NOMO1: variants seen among roughly 807,000 people sequenced by gnomAD.
NOMO1 encodes the protein nodal modulator 3.
A neutral mutation model predicts 133.8 loss-of-function variants in NOMO1; 40 were observed. That is an observed-to-expected ratio of 0.30 (90% CI 0.23 to 0.39). The LOEUF is 0.39. Among genes scored for constraint, NOMO1 ranks in the 10% least tolerant of loss-of-function variants. The pLI, the probability that NOMO1 is intolerant of heterozygous loss-of-function variation, is 1.00. For missense variants in NOMO1, 462 were observed against 1,419.9 expected (o/e 0.33, Z 10.84); for synonymous variants, 236 against 570.5 (o/e 0.41, Z 8.36).
intron 27 of NOMO1, among the ~76,000 whole-genome samples, chr16:14,886,186 A>C (rs1195111676): frequency 6.6e-6 from 1 of 151,600 alleles, no homozygotes. Flanking sequence ...CTCCTGAAGC[A>C]GCGTGGAGAG....
intron 23 of NOMO1, among the ~76,000 whole-genome samples, chr16:14,879,235 A>T (rs534471574): frequency 6.6e-6 from 1 of 151,714 alleles, no homozygotes; most frequent in African/African-American, 2.4e-5. Flanking sequence ...TTTTCTTTCA[A>T]GATGCAGTCG....
intron 9 of NOMO1, among the ~76,000 whole-genome samples, chr16:14,856,108 G>A (rs1470996077): frequency 6.6e-6 from 1 of 152,094 alleles, no homozygotes; most frequent in Non-Finnish European, 1.5e-5. Context: ...GTCAGTTATT[G>A]AGTGCCTGCT....
intron 1 of NOMO1, among the ~76,000 whole-genome samples, chr16:14,836,983 G>A (rs956233617): frequency 4.6e-5 from 7 of 151,914 alleles, no homozygotes; most frequent in African/African-American, 1.5e-4. Flanking sequence ...GGGATTACAG[G>A]CGTGAGCCAC....
chr16:14,886,628 G>A, intron 27 of NOMO1, 133 bp from the exon 28 acceptor site: 1 of 1,257,492 alleles, frequency 8.0e-7, no homozygotes, highest in African/African-American at 1.5e-5. Flanking sequence ...TGTCTATGGA[G>A]GGAGCTTTCT....
chr16:14,884,231 A>G, intron 26 of NOMO1, 141 bp from the exon 27 acceptor site: 1 of 1,241,490 alleles, frequency 8.1e-7, no homozygotes, highest in Non-Finnish European at 1.2e-6. Context: ...CCTTGGACGT[A>G]GGGTACTCAA....
chr16:14,833,760 G>A lies in NOMO1; in HGVS notation c.-92G>A, dbSNP rs1430309481. ...CGGTGGGGCGGGGCCTGGGCTGTCA[G>A]CCGGCCTAGGAGGAGGAAGGAGCCT... On this transcript the variant is annotated 5_prime_UTR_variant, in exon 1 of 31. Coordinates refer to ENST00000287667, the MANE Select transcript of NOMO1 (RefSeq NM_014287.4). 1.7e-5 allele frequency: 13 copies of A among 780,578 alleles called. No homozygotes were observed. Among genetic ancestry groups the A allele is most frequent in the Non-Finnish European group, 2.1e-5 (12 of 562,976 alleles). The allele number at this position is 780,578 out of a possible 1,614,324, so 48.4% of individuals were successfully genotyped here. A position where few individuals can be genotyped will look rare whatever the true frequency, so the allele number is the denominator to read the frequency against.
chr16:14,881,821 C>G (rs1868708939), intron 25 of NOMO1, 136 bp downstream of exon 25: 2 of 784,782 alleles, frequency 2.5e-6, no homozygotes, highest in Non-Finnish European at 4.1e-6. Context: ...CCTCCCAGTT[C>G]TTACCTTTAA....
rs1307732183 is a variant in NOMO1, at chr16:14,864,659, C to T, written c.1470C>T (p.Asn490=). The T allele has an allele frequency of 1.9e-6, 3 of 1,612,802 alleles. No individual in the cohort carries two copies. The highest frequency in any genetic ancestry group is 2.5e-6 in the Non-Finnish European group (3 of 1,179,622). ...KPQTFPLTVT[N]RPMMDVAFVQ... The stretch of plus-strand genomic sequence containing the variant: ...AGACATTTCCTCTTACTGTGACCAA[C>T]AGGCCCATGATGGATGTGGCCTTTG... Residue 490 remains asparagine (N), a synonymous_variant, in exon 13 of 31, where the codon AAC becomes AAT. Coordinates refer to ENST00000287667, the MANE Select transcript of NOMO1 (RefSeq NM_014287.4).
chr16:14,892,700 A>C (rs1597118920), intron 29 of NOMO1, among the ~76,000 whole-genome samples: 1 of 149,544 alleles, frequency 6.7e-6, no homozygotes, highest in South Asian at 2.1e-4. Flanking sequence ...ACTCTGTGCC[A>C]CCCCGTACAG....
chr16:14,875,602 T>TTGGATGGATGGATGGA (rs1166983816), intron 20 of NOMO1, among the ~76,000 whole-genome samples, 180 bp downstream of exon 20: 2 of 149,240 alleles, frequency 1.3e-5, no homozygotes, highest in Non-Finnish European at 3.0e-5. Context: ...GATGGTTGGG[T>TTGGATGGATGGATGGA]TGGATGGATG....
intron 29 of NOMO1, among the ~76,000 whole-genome samples, chr16:14,894,709 CAGTT>C: frequency 1.3e-5 from 1 of 75,778 alleles, no homozygotes; most frequent in African/African-American, 4.5e-5. Flanking sequence ...TTCATTTCCT[CAGTT>C]GGGAGGAGGG....
intron 6 of NOMO1, among the ~76,000 whole-genome samples, chr16:14,850,697 T>C (rs566945212): frequency 1.1e-4 from 16 of 151,928 alleles, no homozygotes; most frequent in Non-Finnish European, 1.3e-4. Context: ...TACGCACTTA[T>C]AATTGATGAT....
chr16:14,857,112 G>T (rs1963850551), intron 9 of NOMO1, 105 bp from the exon 10 acceptor site: 10 of 1,478,530 alleles, frequency 6.8e-6, no homozygotes, highest in Non-Finnish European at 9.4e-6. Context: ...GAGGTGGGCG[G>T]CAGGAGCAGA....
chr16:14,857,518 T>C lies in NOMO1; in HGVS notation c.1083T>C (p.Ala361=). The C allele has an allele frequency of 1.2e-6, 2 of 1,610,266 alleles. No homozygotes were observed. The highest frequency in any genetic ancestry group is 1.1e-5 in the South Asian group (1 of 90,864). The change falls in exon 11 of 31, where the codon GCT becomes GCC. Residue 361 remains alanine, a synonymous_variant. Coordinates refer to ENST00000287667, the MANE Select transcript of NOMO1 (RefSeq NM_014287.4). ...TTTGTTTTACAGTTAAAACAAAAGCTGATGGCTCATTCCGCCTTGAGAACA... is the reference window on the plus strand; with the variant it reads ...TTTGTTTTACAGTTAAAACAAAAGCCGATGGCTCATTCCGCCTTGAGAACA... ...LNNQIKVKTK[A]DGSFRLENIT... is the part of the protein sequence containing the mutation.
chr16:14,889,704 T>A (rs1045365688), intron 29 of NOMO1, among the ~76,000 whole-genome samples: 9 of 151,270 alleles, frequency 5.9e-5, no homozygotes, highest in African/African-American at 1.7e-4. Flanking sequence ...TTCCCCAGAT[T>A]GTTTTTAGCT....
intron 18 of NOMO1, 59 bp from the exon 19 acceptor site, chr16:14,874,977 C>A: frequency 6.2e-7 from 1 of 1,612,248 alleles, no homozygotes; most frequent in South Asian, 1.1e-5. Flanking sequence ...GTAGAAAGGT[C>A]AAATTCCCAC....
At position 14,844,970 on chromosome 16, in the gene NOMO1, G is replaced by A. The variant is rs542144988; in HGVS notation, c.402+196G>A. ...CAGGTGTATTTAGGAATGAGATTGA[G>A]GTTGCTGGTCATCCCCTCTGCTCCC... On this transcript the variant is annotated intron_variant, in intron 4 of 30. Transcript: ENST00000287667. Among the ~76,000 whole-genome samples, 338 of 152,140 alleles carry A rather than the reference G, an allele frequency of 2.2e-3. 3 individuals carry two copies. The highest frequency in any genetic ancestry group is 7.6e-3 in the African/African-American group (317 of 41,464).
chr16:14,850,176 T>C (rs2151894706), intron 6 of NOMO1, among the ~76,000 whole-genome samples: 1 of 148,858 alleles, frequency 6.7e-6, no homozygotes, highest in South Asian at 2.1e-4. Flanking sequence ...GTTCAAGCGA[T>C]TCTCCTGCCT....
chr16:14,855,680 G>A (rs1383762534), intron 9 of NOMO1, among the ~76,000 whole-genome samples: 2 of 152,010 alleles, frequency 1.3e-5, no homozygotes, highest in African/African-American at 2.4e-5. Context: ...ATGGGGGCAG[G>A]TGAGCAGAGA....
Sources: gnomAD v4.1 joint callset for allele counts (sites outside exome capture counted in the v4.1 genomes callset) on GRCh38, gnomAD v4.1.1 for gene constraint, MANE v1.5 for transcripts, NCBI Gene and HGNC (gene_info 2026-07-23, HGNC 2026-07-21) for gene names.